The following PCDH11Y variants were observed in gnomAD, a reference collection of about 807,000 sequenced individuals.
PCDH11Y encodes the protein protocadherin-11 Y-linked.
For synonymous variants in PCDH11Y, 9 were observed against 83.6 expected, an observed-to-expected ratio of 0.11 and a Z score of 4.87; for missense variants, 12 against 224.8, an observed-to-expected ratio of 0.05 and a Z score of 6.05.
At chrY:5,195,499 A>T (rs2052917857) in intron 2 of PCDH11Y, among the ~76,000 whole-genome samples, 1 of 33,161 alleles carries the variant, frequency 3.0e-5, no homozygotes, top group African/African-American at 1.2e-4. Context: ...CCATAGCGTC[A>T]TGCAGATGCT....
chrY:5,667,504 C>T (rs2053545785), intron 4 of PCDH11Y, among the ~76,000 whole-genome samples: 2 of 31,981 alleles, frequency 6.3e-5, no homozygotes, highest in Non-Finnish European at 1.5e-4. Flanking sequence ...ACGTGATCCT[C>T]GCACCTCAGC....
rs200422978 is a variant in PCDH11Y at position 5,728,682 on chromosome Y, A to G, written c.3353-8590A>G. Among the ~76,000 whole-genome samples the G allele has an allele frequency of 1.9e-3, 61 of 32,369 alleles. No homozygotes were observed. The East Asian group carries it at 0.047, about 25-fold the overall frequency. 86.8% of individuals were successfully genotyped at this position (32,369 alleles called of 37,273 possible). A position where few individuals can be genotyped will look rare whatever the true frequency, so the allele number is the denominator to read the frequency against. On this transcript the variant is annotated intron_variant, in intron 4 of 4. Coordinates refer to the PCDH11Y transcript ENST00000400457. ...CTATTATTTTTGATTCAGGGGGTAC[A>G]TGTGCAGATTTGTTACCTGGGTATA...
chrY:5,227,911 G>C, intron 2 of PCDH11Y, among the ~76,000 whole-genome samples: 8 of 31,537 alleles, frequency 2.5e-4, no homozygotes, highest in Non-Finnish European at 4.6e-4. Context: ...GTCTGGTTTT[G>C]GTATCAGGGT....
chrY:5,212,672 G>A, intron 2 of PCDH11Y, among the ~76,000 whole-genome samples: 1 of 32,422 alleles, frequency 3.1e-5, no homozygotes, highest in Non-Finnish European at 7.5e-5. Context: ...TTCTTTTGAT[G>A]AGCAATACTA....
chrY:5,046,520 T>C (rs2052640256), intron 3 of PCDH11Y, among the ~76,000 whole-genome samples: 1 of 34,102 alleles, frequency 2.9e-5, no homozygotes, highest in African/African-American at 1.1e-4. Flanking sequence ...TTCAAAGCTG[T>C]CAGACAGGGA....
intron 2 of PCDH11Y, among the ~76,000 whole-genome samples, chrY:5,266,093 G>A: frequency 3.1e-5 from 1 of 32,357 alleles, no homozygotes; most frequent in Non-Finnish European, 7.5e-5. Flanking sequence ...AAACGTCAAT[G>A]TAAGGTGACA....
intron 1 of PCDH11Y, among the ~76,000 whole-genome samples, chrY:5,022,386 G>A (rs2052570750): frequency 3.3e-5 from 1 of 30,424 alleles, no homozygotes; most frequent in African/African-American, 1.3e-4. Flanking sequence ...GGGAGGTGGA[G>A]TGGGGCAGAG....
At chrY:5,562,952 G>A (rs2053430753) in intron 3 of PCDH11Y, among the ~76,000 whole-genome samples, 1 of 32,304 alleles carries the variant, frequency 3.1e-5, no homozygotes, top group African/African-American at 1.2e-4. Flanking sequence ...TCCCTGATAT[G>A]AGTGTAAAAA....
At chrY:5,455,354 A>C (rs2053297134) in intron 2 of PCDH11Y, among the ~76,000 whole-genome samples, 1 of 33,324 alleles carries the variant, frequency 3.0e-5, no homozygotes, top group African/African-American at 1.2e-4. Flanking sequence ...GATCACAACT[A>C]TTTAACCAGT....
intron 1 of PCDH11Y, among the ~76,000 whole-genome samples, chrY:5,011,613 T>C (rs2052550089): frequency 3.0e-5 from 1 of 33,645 alleles, no homozygotes; most frequent in Non-Finnish European, 7.4e-5. Context: ...ATAAAAGTCC[T>C]CAAAGTGGGA....
At chrY:5,695,076 T>TAC (rs563664942) in intron 4 of PCDH11Y, among the ~76,000 whole-genome samples, 324 of 24,809 alleles carry the variant, frequency 0.013, no homozygotes, top group Middle Eastern at 0.043. Context: ...ACCTGGTGTA[T>TAC]ACACACACAC....
intron 2 of PCDH11Y, among the ~76,000 whole-genome samples, chrY:5,154,880 A>G (rs2124643904): frequency 3.0e-5 from 1 of 32,926 alleles, no homozygotes; most frequent in South Asian, 6.6e-4. Flanking sequence ...GTATTAACCT[A>G]TGAGTGAAGT....
chrY:5,464,143 C>A, intron 2 of PCDH11Y, among the ~76,000 whole-genome samples: 3 of 33,189 alleles, frequency 9.0e-5, no homozygotes, highest in Non-Finnish European at 2.2e-4. Context: ...CAATACTGGC[C>A]TGCTTGCTAT....
At chrY:5,214,779 A>G in intron 2 of PCDH11Y, among the ~76,000 whole-genome samples, 1 of 32,649 alleles carries the variant, frequency 3.1e-5, no homozygotes, top group South Asian at 6.9e-4. Context: ...TGATACATCT[A>G]TAGGTTGTAT....
At chrY:5,571,437 T>A in intron 3 of PCDH11Y, among the ~76,000 whole-genome samples, 1 of 31,890 alleles carries the variant, frequency 3.1e-5, no homozygotes, top group Non-Finnish European at 7.7e-5. Context: ...CTATTTCTTA[T>A]TCCAGTTTTC....
intron 2 of PCDH11Y, among the ~76,000 whole-genome samples, chrY:5,126,382 G>C: frequency 6.2e-5 from 2 of 32,118 alleles, no homozygotes; most frequent in Non-Finnish European, 1.5e-4. Context: ...ATTTAGCACA[G>C]TTTAACATAT....
At chrY:5,638,312 T>G in intron 4 of PCDH11Y, among the ~76,000 whole-genome samples, 2 of 31,224 alleles carry the variant, frequency 6.4e-5, no homozygotes, top group African/African-American at 2.5e-4. Context: ...ATTTGCAAAA[T>G]GAGGACCATA....
intron 3 of PCDH11Y, among the ~76,000 whole-genome samples, chrY:5,540,361 A>G (rs1602940430): frequency 3.0e-5 from 1 of 33,736 alleles, no homozygotes; most frequent in Non-Finnish European, 7.5e-5. Flanking sequence ...AATTTTTTCT[A>G]GTTTAAAAAA....
At chrY:5,512,402 C>G in intron 3 of PCDH11Y, among the ~76,000 whole-genome samples, 1 of 29,526 alleles carries the variant, frequency 3.4e-5, no homozygotes, top group East Asian at 8.8e-4. Flanking sequence ...GGCGTGAACC[C>G]GAGAGGCGGA....
Sources: allele counts gnomAD v4.1 joint callset (sites outside exome capture counted in the v4.1 genomes callset), GRCh38; gene constraint gnomAD v4.1.1; transcripts MANE v1.5; gene names NCBI Gene and HGNC (gene_info 2026-07-23, HGNC 2026-07-21).